The following PSD3 variants were observed in gnomAD, a reference collection of about 807,000 sequenced individuals.
PSD3 encodes the protein PH and SEC7 domain-containing protein 3.
A neutral mutation model predicts 105.5 loss-of-function variants in PSD3; 49 were observed. The ratio of observed to expected loss-of-function variants is 0.46; its 90% confidence interval spans 0.37 to 0.59. PSD3 has a LOEUF of 0.59. Ranked by LOEUF, PSD3 falls within the 20% of genes least tolerant of loss-of-function variation. The pLI is 0.00. For missense variants in PSD3, 1,561 were observed against 1,263.8 expected, an observed-to-expected ratio of 1.24 and a Z score of -3.57; for synonymous variants, 557 against 457.8, an observed-to-expected ratio of 1.22 and a Z score of -2.77.
rs574642583 is a variant in PSD3 at position 18,684,151 on chromosome 8, T to A, written c.2173-28466A>T. On this transcript the variant is annotated intron_variant, in intron 9 of 15. Transcript: ENST00000327040. ...TTGTTCCAGGCACAGCTCACGTCAC[T>A]GGCTGCAAAGAGGAAAAAAATGCAA... The A allele has an allele frequency of 9.1e-6, 4 of 440,150 alleles. No homozygotes were observed. In the South Asian group the frequency reaches 1.4e-4, roughly 16 times the overall value. 27.3% of individuals were successfully genotyped at this position (440,150 alleles called of 1,614,324 possible).
intron 4 of PSD3, among the ~76,000 whole-genome samples, chr8:18,845,796 G>A (rs889732621): frequency 1.6e-4 from 25 of 152,122 alleles, no homozygotes; most frequent in African/African-American, 5.6e-4. Flanking sequence ...AATAAATGGC[G>A]GAAGAAGGGA....
chr8:18,852,270 T>A (rs117530700), intron 4 of PSD3, among the ~76,000 whole-genome samples: 2 of 152,054 alleles, frequency 1.3e-5, no homozygotes, highest in Admixed American at 1.3e-4. Flanking sequence ...ACCAGGAAAC[T>A]CAGACCAGGC....
chr8:19,035,212 G>T (rs1192548856), intron 1 of PSD3, among the ~76,000 whole-genome samples: 1 of 152,014 alleles, frequency 6.6e-6, no homozygotes, highest in Non-Finnish European at 1.5e-5. Context: ...ACATATTATA[G>T]CACTACATAA....
intron 12 of PSD3, among the ~76,000 whole-genome samples, chr8:18,582,753 T>C (rs1009430341): frequency 1.3e-5 from 2 of 151,754 alleles, no homozygotes; most frequent in Non-Finnish European, 2.9e-5. Flanking sequence ...CAAGTTAATC[T>C]GGTCTCTGTG....
intron 1 of PSD3, among the ~76,000 whole-genome samples, chr8:19,067,221 A>C (rs1829103025): frequency 1.3e-5 from 2 of 152,186 alleles, no homozygotes; most frequent in Admixed American, 1.3e-4. Flanking sequence ...ATATGATAGT[A>C]ATAGTAACTA....
intron 9 of PSD3, among the ~76,000 whole-genome samples, chr8:18,728,216 C>G (rs965288634): frequency 6.6e-6 from 1 of 152,128 alleles, no homozygotes; most frequent in Non-Finnish European, 1.5e-5. Context: ...AATTTCTGCA[C>G]CGTACAATTG....
rs764161595 is a variant in PSD3, at chr8:18,632,677, A to G, written c.2346T>C (p.Asn782=). The G allele has an allele frequency of 5.0e-6, 8 of 1,612,716 alleles. No individual in the cohort carries two copies. The highest frequency in any genetic ancestry group is 6.8e-6 in the Non-Finnish European group (8 of 1,179,156). ...NPFLDIPHDP[N]AAVYKSGFLA... ...AGAATCCACTTTTGTACACAGCAGCATTTGGATCATGAGGAATGTCCAAAA... is the reference window on the plus strand; with the variant it reads ...AGAATCCACTTTTGTACACAGCAGCGTTTGGATCATGAGGAATGTCCAAAA... Residue 782 remains asparagine (N), a synonymous_variant, in exon 11 of 16, where the codon AAT becomes AAC. Transcript: ENST00000327040.
chr8:18,592,244 A>G (rs1171379700), intron 12 of PSD3, among the ~76,000 whole-genome samples: 1 of 152,190 alleles, frequency 6.6e-6, no homozygotes, highest in Non-Finnish European at 1.5e-5. Context: ...ACTGAAATGA[A>G]AAATTCAGAT....
intron 9 of PSD3, among the ~76,000 whole-genome samples, chr8:18,701,975 A>G (rs930252716): frequency 6.6e-6 from 1 of 152,346 alleles, no homozygotes; most frequent in Non-Finnish European, 1.5e-5. Context: ...GTGAAATTAC[A>G]TGAAAGAGCT....
intron 9 of PSD3, among the ~76,000 whole-genome samples, chr8:18,738,574 T>A (rs1804326565): frequency 6.6e-6 from 1 of 152,178 alleles, no homozygotes; most frequent in Admixed American, 6.5e-5. Context: ...CATGTTAAAT[T>A]TTTAATACAG....
chr8:18,787,639 C>G (rs1809296726), intron 8 of PSD3, among the ~76,000 whole-genome samples: 1 of 152,152 alleles, frequency 6.6e-6, no homozygotes, highest in South Asian at 2.1e-4. Flanking sequence ...AGGCCTACGT[C>G]ATCCCGCAAC....
chr8:19,034,733 G>C (rs1442876116), intron 1 of PSD3, among the ~76,000 whole-genome samples: 1 of 152,098 alleles, frequency 6.6e-6, no homozygotes. Context: ...CTCCAGACGA[G>C]GCCTTCACAT....
intron 1 of PSD3, among the ~76,000 whole-genome samples, chr8:19,018,910 C>T (rs751100108): frequency 1.3e-5 from 2 of 152,158 alleles, no homozygotes; most frequent in Non-Finnish European, 2.9e-5. Flanking sequence ...AGTTCTTCTG[C>T]CTCAGCCTCC....
At chr8:18,890,869 A>G (rs1450525078) in intron 2 of PSD3, among the ~76,000 whole-genome samples, 1 of 152,156 alleles carries the variant, frequency 6.6e-6, no homozygotes, top group Non-Finnish European at 1.5e-5. Context: ...GAAAGTCACA[A>G]TGAACATTTT....
At chr8:18,900,572 A>G (rs1819439007) in intron 2 of PSD3, among the ~76,000 whole-genome samples, 1 of 151,218 alleles carries the variant, frequency 6.6e-6, no homozygotes, top group Admixed American at 6.6e-5. Context: ...TATGGGTTCC[A>G]CGGTGTTATT....
chr8:19,070,298 C>T (rs549728863), intron 1 of PSD3, among the ~76,000 whole-genome samples: 1 of 149,414 alleles, frequency 6.7e-6, no homozygotes, highest in Non-Finnish European at 1.5e-5. Context: ...AAATTTGGAG[C>T]ATTCACTTTC....
At chr8:19,068,797 G>A (rs1399572382) in intron 1 of PSD3, among the ~76,000 whole-genome samples, 1 of 151,948 alleles carries the variant, frequency 6.6e-6, no homozygotes, top group Non-Finnish European at 1.5e-5. Context: ...TTAGACCAGG[G>A]ATGTGCTTGG....
intron 9 of PSD3, among the ~76,000 whole-genome samples, chr8:18,714,467 C>CA (rs1802455652): frequency 6.7e-6 from 1 of 149,870 alleles, no homozygotes; most frequent in African/African-American, 2.4e-5. Flanking sequence ...AAAAAGCAGG[C>CA]AAAGGACATG....
At chr8:18,859,677 G>A (rs771155466) in intron 4 of PSD3, among the ~76,000 whole-genome samples, 4 of 152,132 alleles carry the variant, frequency 2.6e-5, no homozygotes, top group Non-Finnish European at 5.9e-5. Context: ...TTTATGTTAC[G>A]GAGATAGCTT....
Sources: allele counts gnomAD v4.1 joint callset (sites outside exome capture counted in the v4.1 genomes callset), GRCh38; gene constraint gnomAD v4.1.1; transcripts MANE v1.5; gene names NCBI Gene and HGNC (gene_info 2026-07-23, HGNC 2026-07-21).